Variants in NEK11 observed in about 807,000 individuals in gnomAD.
NEK11 encodes serine/threonine-protein kinase Nek11.
In NEK11, 72 loss-of-function variants were observed where a neutral mutation model predicts 80.7. The ratio of observed to expected loss-of-function variants is 0.89; its 90% CI spans 0.74 to 1.08. The LOEUF (loss-of-function observed/expected upper bound fraction) is 1.08. NEK11 is among the 50% of genes least tolerant of loss of function. The pLI is 0.00. For synonymous variants in NEK11, 251 were observed against 260.7 expected (o/e 0.96, Z 0.36); for missense variants, 764 against 763.6 (o/e 1.00, Z -0.01).
At chr3:131,040,299 G>GA (rs139509630) in intron 3 of NEK11, among the ~76,000 whole-genome samples, 22,097 of 147,542 alleles carry the variant, frequency 0.15, 1,656 homozygotes, top group South Asian at 0.17. Flanking sequence ...GTAGTTATAT[G>GA]AAAAAAAAAA....
intron 3 of NEK11, among the ~76,000 whole-genome samples, chr3:131,035,122 T>C (rs995790122): frequency 1.3e-5 from 2 of 152,168 alleles, no homozygotes; most frequent in African/African-American, 4.8e-5. Flanking sequence ...AGGAGTTAAA[T>C]AGTAAAAGGC....
At chr3:131,288,680 G>A (rs560172221) in intron 17 of NEK11, among the ~76,000 whole-genome samples, 4 of 151,954 alleles carry the variant, frequency 2.6e-5, no homozygotes, top group East Asian at 1.9e-4. Context: ...TCGAACTCCC[G>A]ACCTCAGGTG....
At chr3:131,171,885 G>C (rs1468729491) in intron 14 of NEK11, among the ~76,000 whole-genome samples, 3 of 152,210 alleles carry the variant, frequency 2.0e-5, no homozygotes, top group Non-Finnish European at 4.4e-5. Context: ...ATACATGAGT[G>C]AATGTTAGTC....
chr3:131,305,178 G>A (rs1056308850), intron 17 of NEK11, among the ~76,000 whole-genome samples: 1 of 151,784 alleles, frequency 6.6e-6, no homozygotes, highest in African/African-American at 2.4e-5. Flanking sequence ...AGGGAGGGAA[G>A]GTCTGTCTAC....
intron 3 of NEK11, among the ~76,000 whole-genome samples, chr3:131,072,974 C>A (rs918282303): frequency 6.6e-6 from 1 of 152,114 alleles, no homozygotes; most frequent in African/African-American, 2.4e-5. Flanking sequence ...GCTATCAACT[C>A]TTTGGTCATG....
intron 17 of NEK11, among the ~76,000 whole-genome samples, chr3:131,280,834 A>T (rs189587680): frequency 6.6e-6 from 1 of 152,298 alleles, no homozygotes; most frequent in Admixed American, 6.5e-5. Context: ...GAGCTTTGTT[A>T]TGTGGGACCA....
chr3:131,193,878 C>T (rs2093898185), intron 14 of NEK11, among the ~76,000 whole-genome samples: 1 of 152,124 alleles, frequency 6.6e-6, no homozygotes. Context: ...ATTCACTAGG[C>T]ACAGCAGTTT....
At position 131,310,921 on chromosome 3, in the gene NEK11, A is replaced by G. The variant is rs75174392; in HGVS notation, c.1718+37347A>G. ...TAGTAATTGCTTCTAGCTCCACAGCATGAGCATCATAGACCTCCTTCCTAA... is the reference window on the plus strand; with the variant it reads ...TAGTAATTGCTTCTAGCTCCACAGCGTGAGCATCATAGACCTCCTTCCTAA... On this transcript the variant is annotated intron_variant, in intron 17 of 17. Transcript: ENST00000383366. Among the ~76,000 whole-genome samples the G allele has an allele frequency of 1.0e-3, 152 of 152,340 alleles. 2 individuals carry two copies. The East Asian group carries it at 0.013, about 13-fold the overall frequency.
chr3:131,131,559 G>A (rs1038339674), intron 5 of NEK11, among the ~76,000 whole-genome samples: 45 of 152,042 alleles, frequency 3.0e-4, no homozygotes, highest in Admixed American at 1.0e-3. Context: ...AATCTGTAGT[G>A]ACGCCCTCTC....
chr3:131,077,645 A>G (rs2074579509), intron 3 of NEK11, among the ~76,000 whole-genome samples: 1 of 152,174 alleles, frequency 6.6e-6, no homozygotes, highest in African/African-American at 2.4e-5. Context: ...AGTTGGTAAG[A>G]CTTTATATTG....
intron 14 of NEK11, among the ~76,000 whole-genome samples, chr3:131,186,523 G>A (rs562645927): frequency 6.6e-6 from 1 of 152,234 alleles, no homozygotes; most frequent in East Asian, 1.9e-4. Context: ...CCTCCTGTTG[G>A]TGCATCAGGG....
chr3:131,177,464 C>T (rs946544377), intron 14 of NEK11, among the ~76,000 whole-genome samples: 3 of 152,152 alleles, frequency 2.0e-5, no homozygotes, highest in African/African-American at 4.8e-5. Flanking sequence ...GGAGCTATTA[C>T]TACCAAAACA....
At position 131,233,034 on chromosome 3, in the gene NEK11, A is replaced by AAGGAAGGT. The variant is rs1553954015; in HGVS notation, c.1560+4349_1560+4350insAAGGTAGG. On this transcript the variant is annotated intron_variant, in intron 15 of 17. Transcript: ENST00000383366. ...GAAGGAAGGAAGGAAGGAAGGAAGG[A>AAGGAAGGT]AGGTTGGATGAGAACCTCAGGCTGC... is the stretch of plus-strand genomic sequence containing the variant. Among the ~76,000 whole-genome samples the AAGGAAGGT allele has an allele frequency of 4.4e-3, 614 of 140,536 alleles. 7 individuals are homozygous for AAGGAAGGT. The highest frequency in any genetic ancestry group is 0.03 in the East Asian group (144 of 4,792). 92.2% of individuals were successfully genotyped at this position (140,536 alleles called of 152,430 possible).
At chr3:131,072,669 G>A (rs1264378114) in intron 3 of NEK11, among the ~76,000 whole-genome samples, 2 of 152,188 alleles carry the variant, frequency 1.3e-5, no homozygotes, top group Non-Finnish European at 2.9e-5. Flanking sequence ...ATCCTTGGTT[G>A]TAAAGAGAAC....
At chr3:131,089,607 T>C (rs1235178534) in intron 4 of NEK11, among the ~76,000 whole-genome samples, 1 of 152,014 alleles carries the variant, frequency 6.6e-6, no homozygotes, top group East Asian at 1.9e-4. Flanking sequence ...CCTGGCTAAT[T>C]TTTGTGTTTT....
intron 17 of NEK11, among the ~76,000 whole-genome samples, chr3:131,306,248 T>C (rs2096722280): frequency 6.6e-6 from 1 of 152,194 alleles, no homozygotes; most frequent in South Asian, 2.1e-4. Flanking sequence ...TCAAAGTGTG[T>C]TTTTTACCTT....
intron 3 of NEK11, among the ~76,000 whole-genome samples, chr3:131,070,047 A>G (rs866774880): frequency 2.0e-5 from 3 of 152,166 alleles, no homozygotes; most frequent in African/African-American, 2.4e-5. Context: ...ACCTAACACT[A>G]ATTTTAAATT....
intron 4 of NEK11, among the ~76,000 whole-genome samples, chr3:131,107,822 A>C (rs1449965860): frequency 6.6e-6 from 1 of 152,164 alleles, no homozygotes; most frequent in African/African-American, 2.4e-5. Context: ...GTCACCTTTC[A>C]TCTGAAGGAC....
intron 15 of NEK11, among the ~76,000 whole-genome samples, chr3:131,239,191 T>G (rs1382986591): frequency 6.6e-6 from 1 of 151,966 alleles, no homozygotes; most frequent in Non-Finnish European, 1.5e-5. Flanking sequence ...TTGGTGGGAT[T>G]TACTTCTCTA....
Sources: gnomAD v4.1 joint callset for allele counts (sites outside exome capture counted in the v4.1 genomes callset) on GRCh38, gnomAD v4.1.1 for gene constraint, MANE v1.5 for transcripts, NCBI Gene and HGNC (gene_info 2026-07-23, HGNC 2026-07-21) for gene names.